The following MSH6 variants were observed in gnomAD, a reference collection of about 807,000 sequenced individuals.
The protein encoded by MSH6 is DNA mismatch repair protein Msh6.
A neutral mutation model predicts 119.1 loss-of-function variants in MSH6; 85 were observed. That is an observed-to-expected ratio of 0.71 (90% CI 0.60 to 0.85). The LOEUF (loss-of-function observed/expected upper bound fraction) is 0.85, where lower values mean the gene tolerates loss of function less well. Ranked by LOEUF, MSH6 falls within the 40% of genes least tolerant of loss-of-function variation. The pLI is 0.00. For missense variants in MSH6, 2,163 were observed against 1,655.3 expected, an observed-to-expected ratio of 1.31 and a Z score of -5.32; for synonymous variants, 830 against 586.9, an observed-to-expected ratio of 1.41 and a Z score of -5.99.
chr2:47,788,488 C>T lies in MSH6; in HGVS notation c.261-2439C>T, dbSNP rs201674405. On this transcript the variant is annotated intron_variant, in intron 1 of 9. Coordinates refer to ENST00000234420, the MANE Select transcript of MSH6 (RefSeq NM_000179.3). Reference sequence around the variant, plus strand: ...CAGGCCAGTCTCGAACTCCTGACCTCGTGATCAACCCGCCTTGGCCTTTCA... The same window carrying T: ...CAGGCCAGTCTCGAACTCCTGACCTTGTGATCAACCCGCCTTGGCCTTTCA... 4.8e-3 allele frequency among the ~76,000 whole-genome samples: 715 copies of T among 149,834 alleles called. 5 individuals carry two copies. Among genetic ancestry groups the T allele is most frequent in the African/African-American group, 0.017 (683 of 40,804 alleles).
Position 47,803,595 on chromosome 2 carries a change from C to T in MSH6, c.3348C>T (p.Gly1116=), listed in dbSNP as rs771833309. 6.2e-7 allele frequency: 1 copy of T among 1,614,078 alleles called. No individual in the cohort carries two copies. The highest frequency in any genetic ancestry group is 8.5e-7 in the Non-Finnish European group (1 of 1,180,018). Residue 1116 remains glycine (G), a synonymous_variant, in exon 5 of 10, where the codon GGC becomes GGT. Transcript: ENST00000234420. ...DDFIPNDILI[G]CEEEEQENGK... ...TTATTCCTAATGACATTCTAATAGG[C>T]TGTGAGGAAGAGGAGCAGGAAAATG...
chr2:47,794,353 T>C (rs1356137100), intron 2 of MSH6, among the ~76,000 whole-genome samples: 1 of 151,672 alleles, frequency 6.6e-6, no homozygotes, highest in Non-Finnish European at 1.5e-5. Context: ...CTCACTGCAA[T>C]CTCTGTCTCC....
chr2:47,804,983 A>C lies in MSH6; in HGVS notation c.3512A>C (p.Asp1171Ala). 1 of 1,614,070 alleles carries C rather than the reference A, an allele frequency of 6.2e-7. No homozygotes were observed. Among genetic ancestry groups the C allele is most frequent in the Non-Finnish European group, 8.5e-7 (1 of 1,179,994 alleles). Residue 1171 changes from aspartate (D) to alanine (A), a missense_variant, in exon 6 of 10, where the codon GAT becomes GCT. Transcript: ENST00000234420. Reference protein sequence around the residue: ...PAEVCRLTPIDRVFTRLGASD... With the variant: ...PAEVCRLTPIARVFTRLGASD... ...GAAGTGTGCAGGCTCACACCAATTG[A>C]TAGAGTGTTTACTAGACTTGGTGCC...
Position 47,791,043 on chromosome 2 carries a change from C to T in MSH6, c.377C>T (p.Ser126Leu), listed in dbSNP as rs1114167689. The T allele has an allele frequency of 6.2e-7, 1 of 1,614,210 alleles. No homozygotes were observed. The highest frequency in any genetic ancestry group is 8.5e-7 in the Non-Finnish European group (1 of 1,180,044). The change falls in exon 2 of 10, where the codon TCA becomes TTA. Residue 126 changes from serine to leucine, a missense_variant. Transcript: ENST00000234420. ...DGTFIREKGK[S>L]VRVHVQFFDD... is the part of the protein sequence containing the mutation. ...ACATTCATCCGCGAGAAAGGGAAAT[C>T]AGTCCGTGTTCATGTACAGTTTTTT...
chr2:47,806,919 A>ATTATGATCT lies in MSH6; in HGVS notation c.*60_*68dup. 1 of 1,211,422 alleles carries ATTATGATCT rather than the reference A, an allele frequency of 8.3e-7. No individual in the cohort carries two copies. Among genetic ancestry groups the ATTATGATCT allele is most frequent in the Non-Finnish European group, 1.2e-6 (1 of 822,330 alleles). The allele number at this position is 1,211,422 out of a possible 1,614,324, so 75.0% of individuals were successfully genotyped here. On this transcript the variant is annotated 3_prime_UTR_variant, in exon 10 of 10. Coordinates refer to ENST00000234420, the MANE Select transcript of MSH6 (RefSeq NM_000179.3). The stretch of plus-strand genomic sequence containing the variant: ...GACAAAGGTGGTAAATTCAGACAAC[A>ATTATGATCT]TTATGATCTAATAAACTTTATTTTT...
Position 47,783,918 on chromosome 2 carries a change from C to T in MSH6, c.260+425C>T, listed in dbSNP as rs1193070477. On this transcript the variant is annotated intron_variant, in intron 1 of 9. Coordinates refer to ENST00000234420, the MANE Select transcript of MSH6 (RefSeq NM_000179.3). ...GTGGGCGGGGCGGGGGGCGGGGTGG[C>T]GGGAAGGAGGAATGCCTGCGGGAGG... 4.8e-6 allele frequency: 4 copies of T among 835,414 alleles called. No homozygotes were observed. The African/African-American group carries it at 1.5e-4, about 31-fold the overall frequency. The allele number at this position is 835,414 out of a possible 1,614,324, so 51.8% of individuals were successfully genotyped here. A position where few individuals can be genotyped will look rare whatever the true frequency, so the allele number is the denominator to read the frequency against.
At chr2:47,804,079 T>C (rs1265404607) in intron 5 of MSH6, among the ~76,000 whole-genome samples, 6 of 152,174 alleles carry the variant, frequency 3.9e-5, no homozygotes, top group African/African-American at 1.4e-4. Context: ...GCAAATATAG[T>C]TCATGACCTC....
chr2:47,783,644 G>T (rs1178100813), intron 1 of MSH6, 151 bp downstream of exon 1: 9 of 760,944 alleles, frequency 1.2e-5, no homozygotes, highest in Non-Finnish European at 1.7e-5. Flanking sequence ...TTGAATGAGT[G>T]CAGGGGTCGA....
chr2:47,788,946 T>TTG (rs1553409741), intron 1 of MSH6, among the ~76,000 whole-genome samples: 1 of 115,830 alleles, frequency 8.6e-6, no homozygotes, highest in Non-Finnish European at 1.7e-5. Flanking sequence ...TTTTTTTTTT[T>TTG]TGTGAGACGG....
rs1356451622 is a variant in MSH6, at chr2:47,800,918, C to G, written c.2935C>G (p.Leu979Val). Residue 979 changes from leucine (L) to valine (V), a missense_variant, in exon 4 of 10, where the codon CTG becomes GTG. Transcript: ENST00000234420. ...YWGIGRNRYQ[L>V]EIPENFTTRN... The stretch of plus-strand genomic sequence containing the variant: ...GGGGATTGGTAGGAACCGTTACCAG[C>G]TGGAAATTCCTGAGAATTTCACCAC... 6.3e-7 allele frequency: 1 copy of G among 1,579,574 alleles called. No individual in the cohort carries two copies. Among genetic ancestry groups the G allele is most frequent in the South Asian group, 1.2e-5 (1 of 85,576 alleles).
chr2:47,805,172 AGTCTCTCT>A, intron 6 of MSH6, 145 bp downstream of exon 6: 12 of 656,016 alleles, frequency 1.8e-5, no homozygotes, highest in Non-Finnish European at 3.2e-5. Flanking sequence ...AGAACTGCAT[AGTCTCTCT>A]CTCTTTTTTT....
At chr2:47,805,469 T>G in intron 6 of MSH6, 149 bp from the exon 7 acceptor site, 1 of 681,980 alleles carries the variant, frequency 1.5e-6, no homozygotes, top group Non-Finnish European at 2.6e-6. Context: ...TGAGCCACCG[T>G]GCCCGGCCAA....
At chr2:47,802,635 G>GTTTTTTTTTTTTTTTTTTTT (rs527836963) in intron 4 of MSH6, among the ~76,000 whole-genome samples, 2 of 115,910 alleles carry the variant, frequency 1.7e-5, no homozygotes, top group Non-Finnish European at 3.7e-5. Flanking sequence ...GCCCAGCCCT[G>GTTTTTTTTTTTTTTTTTTTT]TTTTTTTTTT....
At chr2:47,801,244 A>G in intron 4 of MSH6, 89 bp downstream of exon 4, 2 of 1,369,670 alleles carry the variant, frequency 1.5e-6, no homozygotes, top group Non-Finnish European at 2.0e-6. Flanking sequence ...GTAATAAGGT[A>G]TATATGGTAC....
Position 47,800,400 on chromosome 2 carries a change from C to T in MSH6, c.2417C>T (p.Ser806Phe), listed in dbSNP as rs372990379. Residue 806 changes from serine to phenylalanine, a missense_variant, in exon 4 of 10, where the codon TCC becomes TTC. Physicochemically the swap from Ser to Phe is radical, Grantham distance 155. Coordinates refer to ENST00000234420, the MANE Select transcript of MSH6 (RefSeq NM_000179.3). ...CTCATGGTTGTGCCTGACAAAATCTCCGAAGTTGTAGAGCTTCTAAAGAAG... is the reference window on the plus strand; with the variant it reads ...CTCATGGTTGTGCCTGACAAAATCTTCGAAGTTGTAGAGCTTCTAAAGAAG... ...EDLMVVPDKI[S>F]EVVELLKKLP... 1 of 1,614,016 alleles carries T rather than the reference C, an allele frequency of 6.2e-7. No individual in the cohort carries two copies. The highest frequency in any genetic ancestry group is 8.5e-7 in the Non-Finnish European group (1 of 1,180,020).
intron 1 of MSH6, chr2:47,783,836 C>T (rs1364134877): frequency 1.5e-6 from 1 of 674,208 alleles, no homozygotes; most frequent in East Asian, 1.8e-4. Flanking sequence ...GGGAGGGGGC[C>T]TGGGAGGTGG....
rs1060502883 is a variant in MSH6, at chr2:47,800,184, T to A, written c.2201T>A (p.Val734Glu). 2.5e-6 allele frequency: 4 copies of A among 1,614,194 alleles called. No homozygotes were observed. The highest frequency in any genetic ancestry group is 3.4e-6 in the Non-Finnish European group (4 of 1,180,036). ...TTCACCAAAGCCTATCAACGAATGG[T>A]GCTAGATGCAGTGACATTAAACAAC... ...AIFTKAYQRM[V>E]LDAVTLNNLE... The change falls in exon 4 of 10, where the codon GTG (valine) becomes GAG (glutamate). Residue 734 changes from valine to glutamate, a missense_variant. Coordinates refer to ENST00000234420, the MANE Select transcript of MSH6 (RefSeq NM_000179.3).
rs1553413880 is a variant in MSH6, at chr2:47,800,512, A to G, written c.2529A>G (p.Ile843Met). The change falls in exon 4 of 10, where the codon ATA becomes ATG. Residue 843 changes from isoleucine to methionine, a missense_variant. By Grantham distance (10) the Ile-to-Met change is conservative. Coordinates refer to ENST00000234420, the MANE Select transcript of MSH6 (RefSeq NM_000179.3). ...KSQNHPDSRA[I>M]MYEETTYSKK... ...AGAACCACCCAGACAGCAGGGCTAT[A>G]ATGTATGAAGAAACTACATACAGCA... The G allele has an allele frequency of 6.2e-7, 1 of 1,613,242 alleles. No individual in the cohort carries two copies. The highest frequency in any genetic ancestry group is 8.5e-7 in the Non-Finnish European group (1 of 1,179,790).
chr2:47,783,804 G>C (rs1422569925), intron 1 of MSH6: 25 of 599,442 alleles, frequency 4.2e-5, no homozygotes, highest in Non-Finnish European at 5.5e-5. Flanking sequence ...TAAGGAAGGG[G>C]CGACGCGCGC....
Sources: gnomAD v4.1 joint callset for allele counts (sites outside exome capture counted in the v4.1 genomes callset) on GRCh38, gnomAD v4.1.1 for gene constraint, MANE v1.5 for transcripts, NCBI Gene and HGNC (gene_info 2026-07-23, HGNC 2026-07-21) for gene names.